Variants in PPTC7 observed in about 807,000 individuals in gnomAD.
PPTC7 encodes protein phosphatase targeting COQ7, also known as protein phosphatase PTC7 homolog.
Under a neutral mutation model 30.8 loss-of-function variants are expected in PPTC7, and 6 were observed. That is an observed-to-expected ratio of 0.19 (90% CI 0.11 to 0.38). PPTC7 has a LOEUF of 0.38. Ranked by LOEUF, PPTC7 falls within the 10% of genes least tolerant of loss-of-function variation. The pLI, the probability that PPTC7 is intolerant of heterozygous loss-of-function variation, is 1.00. For missense variants in PPTC7, 218 were observed against 404.8 expected (o/e 0.54, Z 3.96); for synonymous variants, 163 against 168.1 (o/e 0.97, Z 0.23).
At chr12:110,571,857 G>A (rs2064539655) in intron 1 of PPTC7, among the ~76,000 whole-genome samples, 1 of 152,140 alleles carries the variant, frequency 6.6e-6, no homozygotes, top group African/African-American at 2.4e-5. Context: ...TAAGAACAAT[G>A]CATACATAAG....
chr12:110,565,535 G>A (rs2064476792), intron 1 of PPTC7, among the ~76,000 whole-genome samples: 1 of 152,188 alleles, frequency 6.6e-6, no homozygotes, highest in Non-Finnish European at 1.5e-5. Context: ...GATTACAGGC[G>A]TGAGCCACCG....
intron 1 of PPTC7, among the ~76,000 whole-genome samples, chr12:110,554,202 C>T (rs915369011): frequency 2.0e-5 from 3 of 152,166 alleles, no homozygotes; most frequent in African/African-American, 7.2e-5. Flanking sequence ...GAGACAGTGG[C>T]TTGTTCTGTT....
chr12:110,573,152 T>C (rs1332458185), intron 1 of PPTC7, among the ~76,000 whole-genome samples: 1 of 152,218 alleles, frequency 6.6e-6, no homozygotes, highest in Non-Finnish European at 1.5e-5. Flanking sequence ...AGTGTTGGGA[T>C]TATAGGCGTG....
At chr12:110,579,049 T>C (rs2064614187) in intron 1 of PPTC7, among the ~76,000 whole-genome samples, 1 of 151,836 alleles carries the variant, frequency 6.6e-6, no homozygotes, top group Non-Finnish European at 1.5e-5. Context: ...CTCGGAAGGC[T>C]GAGGCACAAG....
chr12:110,535,388 A>G lies in PPTC7; in HGVS notation c.*1649T>C, dbSNP rs2064211403. 6.6e-6 allele frequency: 1 copy of G among 152,666 alleles called. No homozygotes were observed. Among genetic ancestry groups the G allele is most frequent in the Non-Finnish European group, 1.5e-5 (1 of 68,048 alleles). The allele number at this position is 152,666 out of a possible 1,614,324, so 9.5% of individuals were successfully genotyped here. A position where few individuals can be genotyped will look rare whatever the true frequency, so the allele number is the denominator to read the frequency against. Reference sequence around the variant, plus strand: ...TCTTATTATAAATGAAATGCCTGTTACAAGCATGATGCATTGAAATATAGT... The same window carrying G: ...TCTTATTATAAATGAAATGCCTGTTGCAAGCATGATGCATTGAAATATAGT... On this transcript the variant is annotated 3_prime_UTR_variant, in exon 6 of 6. Transcript: ENST00000354300.
At chr12:110,546,354 A>C (rs1352677779) in intron 2 of PPTC7, 1 of 431,572 alleles carries the variant, frequency 2.3e-6, no homozygotes, top group Admixed American at 3.8e-5. Context: ...AGCAATAAAA[A>C]TGACTGGTAT....
chr12:110,560,677 C>T (rs1444168268), intron 1 of PPTC7, among the ~76,000 whole-genome samples: 1 of 152,090 alleles, frequency 6.6e-6, no homozygotes, highest in Non-Finnish European at 1.5e-5. Context: ...TAGAAGAACG[C>T]GATGCCTAGA....
chr12:110,571,179 A>G (rs2064533098), intron 1 of PPTC7, among the ~76,000 whole-genome samples: 1 of 152,158 alleles, frequency 6.6e-6, no homozygotes, highest in Admixed American at 6.5e-5. Flanking sequence ...ATTAAAAGTA[A>G]ATATGCCTCT....
At chr12:110,582,320 C>T (rs1269512397) in intron 1 of PPTC7, among the ~76,000 whole-genome samples, 2 of 152,216 alleles carry the variant, frequency 1.3e-5, no homozygotes, top group East Asian at 1.9e-4. Flanking sequence ...CGAAAGAATA[C>T]GGCCGGGCTG....
intron 1 of PPTC7, among the ~76,000 whole-genome samples, chr12:110,556,176 C>A (rs2064385631): frequency 6.6e-6 from 1 of 152,214 alleles, no homozygotes; most frequent in South Asian, 2.1e-4. Context: ...AGATTTCTCC[C>A]AGAATACAGC....
rs34418612 is a variant in PPTC7 at position 110,535,873 on chromosome 12, A to AACT, written c.*1161_*1163dup. 6.6e-6 allele frequency: 1 copy of AACT among 152,650 alleles called. No homozygotes were observed. The highest frequency in any genetic ancestry group is 1.5e-5 in the Non-Finnish European group (1 of 68,042). The allele number at this position is 152,650 out of a possible 1,614,324, so 9.5% of individuals were successfully genotyped here. A position where few individuals can be genotyped will look rare whatever the true frequency, so the allele number is the denominator to read the frequency against. On this transcript the variant is annotated 3_prime_UTR_variant, in exon 6 of 6. Transcript: ENST00000354300. ...ATACACTGCAAAATGGCTATTTGGAAACTGTAAACATTAAGCTTGATTCAG... is the reference window on the plus strand; with the variant it reads ...ATACACTGCAAAATGGCTATTTGGAAACTACTGTAAACATTAAGCTTGATTCAG...
chr12:110,546,131 C>T (rs2064304144), intron 2 of PPTC7, 53 bp from the exon 3 acceptor site: 11 of 1,484,176 alleles, frequency 7.4e-6, no homozygotes, highest in Middle Eastern at 2.0e-4. Flanking sequence ...TGCCTTTGCA[C>T]ACACATTTTA....
chr12:110,574,141 T>TAAAAAAA (rs58133391), intron 1 of PPTC7, among the ~76,000 whole-genome samples: 28 of 37,446 alleles, frequency 7.5e-4, no homozygotes, highest in Admixed American at 3.1e-3. Context: ...CCACAATAAT[T>TAAAAAAA]AAAAAAAAAA....
intron 1 of PPTC7, among the ~76,000 whole-genome samples, chr12:110,560,090 T>C (rs1218728306): frequency 6.6e-6 from 1 of 152,148 alleles, no homozygotes; most frequent in East Asian, 1.9e-4. Context: ...TTTGCCAAAA[T>C]GGTATAACCA....
chr12:110,572,001 T>C (rs2064540743), intron 1 of PPTC7, among the ~76,000 whole-genome samples: 1 of 152,206 alleles, frequency 6.6e-6, no homozygotes, highest in African/African-American at 2.4e-5. Context: ...TTGCCCCAAA[T>C]TGCTATTCAA....
intron 3 of PPTC7, among the ~76,000 whole-genome samples, chr12:110,541,774 G>C (rs1238008309): frequency 1.3e-5 from 2 of 151,222 alleles, no homozygotes; most frequent in East Asian, 3.9e-4. Context: ...AGGACTCTGT[G>C]TCTCCCAAGG....
chr12:110,563,889 G>A (rs2064459092), intron 1 of PPTC7, among the ~76,000 whole-genome samples: 2 of 152,214 alleles, frequency 1.3e-5, no homozygotes, highest in Admixed American at 1.3e-4. Context: ...GCAGTGAAAA[G>A]TGCTGACATG....
intron 1 of PPTC7, among the ~76,000 whole-genome samples, chr12:110,574,962 A>T (rs1265743): frequency 0.33 from 40,545 of 123,230 alleles, 6,405 homozygotes; most frequent in South Asian, 0.58. Flanking sequence ...TTTTTTTTTT[A>T]AACTTTTAGT....
chr12:110,569,207 C>G (rs573130463), intron 1 of PPTC7, among the ~76,000 whole-genome samples: 75 of 152,058 alleles, frequency 4.9e-4, no homozygotes, highest in Admixed American at 9.2e-4. Context: ...GTGGCGGGCA[C>G]CTGTAATCCC....
Sources: gnomAD v4.1 joint callset for allele counts (sites outside exome capture counted in the v4.1 genomes callset) on GRCh38, gnomAD v4.1.1 for gene constraint, MANE v1.5 for transcripts, NCBI Gene and HGNC (gene_info 2026-07-23, HGNC 2026-07-21) for gene names.